The following AGBL3 variants were observed in gnomAD, a reference collection of about 807,000 sequenced individuals.
AGBL3 encodes AGBL carboxypeptidase 3, also known as cytosolic carboxypeptidase 3.
In AGBL3, 68 loss-of-function variants were observed where a neutral mutation model predicts 94.5. The observed-to-expected ratio is 0.72, with a 90% CI of 0.59 to 0.88. The LOEUF (loss-of-function observed/expected upper bound fraction) is 0.88, where lower values mean the gene tolerates loss of function less well. Among genes scored for constraint, AGBL3 ranks in the 40% least tolerant of loss-of-function variants. The pLI, the probability that AGBL3 is intolerant of heterozygous loss-of-function variation, is 0.00. For synonymous variants in AGBL3, 354 were observed against 370.7 expected (o/e 0.95, Z 0.52); for missense variants, 934 against 1,103.8 (o/e 0.85, Z 2.18).
At chr7:135,068,233 T>C (rs1004499155) in intron 12 of AGBL3, among the ~76,000 whole-genome samples, 20 of 152,132 alleles carry the variant, frequency 1.3e-4, no homozygotes, top group Non-Finnish European at 1.6e-4. Context: ...TATGGGACTA[T>C]GTGAAAAGAC....
chr7:135,018,208 G>C (rs1814027307), intron 5 of AGBL3, among the ~76,000 whole-genome samples: 1 of 152,184 alleles, frequency 6.6e-6, no homozygotes, highest in East Asian at 1.9e-4. Flanking sequence ...CTGGTCTCCA[G>C]ACCTGTAGAA....
chr7:135,133,653 A>G (rs1037916951), intron 16 of AGBL3, among the ~76,000 whole-genome samples: 6 of 152,196 alleles, frequency 3.9e-5, no homozygotes, highest in Non-Finnish European at 8.8e-5. Context: ...TAGGGAATTC[A>G]AAAGCAATTC....
intron 16 of AGBL3, among the ~76,000 whole-genome samples, chr7:135,120,005 G>T (rs1298474813): frequency 6.6e-6 from 1 of 152,216 alleles, no homozygotes; most frequent in East Asian, 1.9e-4. Flanking sequence ...ATTATTGGAA[G>T]AAATTGTCAA....
intron 2 of AGBL3, 49 bp from the exon 3 acceptor site, chr7:134,989,201 G>A: frequency 7.2e-7 from 1 of 1,394,508 alleles, no homozygotes; most frequent in Non-Finnish European, 9.8e-7. Context: ...TTCTGGATTT[G>A]AAAACTGTTG....
At chr7:135,035,140 C>T (rs534216000) in intron 7 of AGBL3, among the ~76,000 whole-genome samples, 7 of 120,604 alleles carry the variant, frequency 5.8e-5, no homozygotes, top group Admixed American at 2.6e-4. Context: ...AAATAACCTC[C>T]CCTTAAATAA....
At chr7:135,009,909 T>G in intron 4 of AGBL3, 1 of 348,192 alleles carries the variant, frequency 2.9e-6, no homozygotes, top group Non-Finnish European at 5.4e-6. Context: ...TTCTGTCTTT[T>G]CGCAGACTTT....
chr7:135,094,721 T>C (rs1396518298), intron 15 of AGBL3: 2 of 350,508 alleles, frequency 5.7e-6, no homozygotes, highest in Admixed American at 7.8e-5. Flanking sequence ...TTATTCAGAA[T>C]AGGAATTGCA....
chr7:135,003,820 C>G (rs1296225071), intron 4 of AGBL3, among the ~76,000 whole-genome samples: 1 of 151,148 alleles, frequency 6.6e-6, no homozygotes, highest in Non-Finnish European at 1.5e-5. Flanking sequence ...GTGTGTATTA[C>G]TTTTGAAAAT....
At chr7:135,120,693 A>G (rs1827015951) in intron 16 of AGBL3, among the ~76,000 whole-genome samples, 1 of 152,258 alleles carries the variant, frequency 6.6e-6, no homozygotes, top group Non-Finnish European at 1.5e-5. Flanking sequence ...TGCAGTCACA[A>G]GAAACTCATT....
intron 15 of AGBL3, among the ~76,000 whole-genome samples, chr7:135,098,283 C>A (rs951491298): frequency 6.6e-5 from 10 of 152,164 alleles, no homozygotes; most frequent in Non-Finnish European, 2.9e-5. Context: ...ATGCTCAAGT[C>A]CTGTTGTAAA....
intron 4 of AGBL3, among the ~76,000 whole-genome samples, chr7:134,994,701 A>G (rs988097005): frequency 6.6e-6 from 1 of 152,242 alleles, no homozygotes; most frequent in Non-Finnish European, 1.5e-5. Flanking sequence ...ATCATCTGGC[A>G]TATAGATAGA....
chr7:135,018,787 G>A (rs1390369154), intron 5 of AGBL3, among the ~76,000 whole-genome samples: 1 of 152,172 alleles, frequency 6.6e-6, no homozygotes, highest in Non-Finnish European at 1.5e-5. Flanking sequence ...CCCTAGGACA[G>A]GGTACTGAAG....
intron 15 of AGBL3, among the ~76,000 whole-genome samples, chr7:135,084,909 G>C (rs974646162): frequency 6.6e-5 from 10 of 152,028 alleles, no homozygotes; most frequent in Admixed American, 1.3e-4. Flanking sequence ...AGTTTTCTGG[G>C]TAACCTCCAT....
rs184302619 is a variant in AGBL3, at chr7:134,995,378, C to T, written c.310+1700C>T. 7.9e-5 allele frequency: 12 copies of T among 152,398 alleles called. No homozygotes were observed. In the East Asian group the frequency reaches 1.9e-3, roughly 24 times the overall value. The allele number at this position is 152,398 out of a possible 1,614,324, so 9.4% of individuals were successfully genotyped here. On this transcript the variant is annotated intron_variant, in intron 4 of 16. Transcript: ENST00000436302. ...ACCCTTCTGTCACATCTTTGCCACA[C>T]CTTTCTCTTCCTTAAATTTCCTAGC...
chr7:135,110,799 A>C (rs932434373), intron 15 of AGBL3, among the ~76,000 whole-genome samples: 2 of 152,138 alleles, frequency 1.3e-5, no homozygotes, highest in African/African-American at 2.4e-5. Flanking sequence ...CCACTTTCTT[A>C]ACAATGTCCT....
intron 12 of AGBL3, among the ~76,000 whole-genome samples, chr7:135,059,536 T>C (rs1012700203): frequency 1.3e-5 from 2 of 152,248 alleles, no homozygotes; most frequent in Non-Finnish European, 1.5e-5. Flanking sequence ...GCTTAATTTA[T>C]ACATTTATTA....
At chr7:135,099,272 A>G (rs1823396795) in intron 15 of AGBL3, among the ~76,000 whole-genome samples, 1 of 152,166 alleles carries the variant, frequency 6.6e-6, no homozygotes, top group African/African-American at 2.4e-5. Context: ...TGGAATGTTT[A>G]ACATTTATTA....
intron 4 of AGBL3, among the ~76,000 whole-genome samples, chr7:135,001,825 A>G (rs1811755087): frequency 6.6e-6 from 1 of 152,210 alleles, no homozygotes; most frequent in Non-Finnish European, 1.5e-5. Context: ...AATTTTAGCT[A>G]TTACACATAA....
At chr7:135,100,833 T>C (rs544822595) in intron 15 of AGBL3, among the ~76,000 whole-genome samples, 1 of 152,360 alleles carries the variant, frequency 6.6e-6, no homozygotes, top group African/African-American at 2.4e-5. Flanking sequence ...CACCCACCTC[T>C]GCCCCTTACT....
Sources: gnomAD v4.1 joint callset for allele counts (sites outside exome capture counted in the v4.1 genomes callset) on GRCh38, gnomAD v4.1.1 for gene constraint, MANE v1.5 for transcripts, NCBI Gene and HGNC (gene_info 2026-07-23, HGNC 2026-07-21) for gene names.